The following CSMD1 variants were observed in gnomAD, a reference collection of about 807,000 sequenced individuals.
CSMD1 encodes the protein CUB and Sushi multiple domains 1.
In CSMD1, 213 loss-of-function variants were observed where a neutral mutation model predicts 417.5. That is an observed-to-expected ratio of 0.51 (90% CI 0.46 to 0.57). The LOEUF is 0.57. Among genes scored for constraint, CSMD1 ranks in the 20% least tolerant of loss-of-function variants. CSMD1 has a pLI of 0.00. For synonymous variants in CSMD1, 2,862 were observed against 1,736.8 expected (o/e 1.65, Z -16.11); for missense variants, 6,923 against 4,529.7 (o/e 1.53, Z -15.17).
At chr8:3,986,101 G>T (rs1257761354) in intron 5 of CSMD1, among the ~76,000 whole-genome samples, 1 of 151,848 alleles carries the variant, frequency 6.6e-6, no homozygotes, top group Admixed American at 6.6e-5. Flanking sequence ...TTCGTATCTG[G>T]GAGCTACAAG....
Position 3,165,623 on chromosome 8 carries a change from G to A in CSMD1, c.5726-3346C>T, listed in dbSNP as rs557293586. 3.3e-5 allele frequency among the ~76,000 whole-genome samples: 5 copies of A among 151,962 alleles called. No homozygotes were observed. The East Asian group carries it at 5.8e-4, about 18-fold the overall frequency. ...ATTTTTTTATATTTTTAGAAAAGAC[G>A]GGGTTTCACCATGTTAGCCAGGGTG... On this transcript the variant is annotated intron_variant, in intron 37 of 69. Transcript: ENST00000635120.
chr8:3,642,923 G>A (rs1362594167), intron 7 of CSMD1, among the ~76,000 whole-genome samples: 1 of 151,600 alleles, frequency 6.6e-6, no homozygotes, highest in Non-Finnish European at 1.5e-5. Flanking sequence ...ACTTTCTGAA[G>A]ATAAAACCAC....
At chr8:3,016,978 A>T (rs1222125741) in intron 52 of CSMD1, among the ~76,000 whole-genome samples, 2 of 152,200 alleles carry the variant, frequency 1.3e-5, no homozygotes, top group Non-Finnish European at 2.9e-5. Flanking sequence ...CCCCAAGCTG[A>T]CCCATCATTT....
intron 2 of CSMD1, among the ~76,000 whole-genome samples, chr8:4,533,989 T>C (rs1306292773): frequency 6.6e-6 from 1 of 151,020 alleles, no homozygotes; most frequent in African/African-American, 2.4e-5. Flanking sequence ...AGGGCAGATT[T>C]GTCAGTCTAT....
intron 28 of CSMD1, among the ~76,000 whole-genome samples, chr8:3,221,382 C>T (rs568059833): frequency 2.0e-5 from 3 of 152,156 alleles, no homozygotes; most frequent in South Asian, 4.2e-4. Context: ...GTGTGGGTTA[C>T]GTAGAATTTT....
At chr8:4,424,569 G>A (rs1018633401) in intron 2 of CSMD1, among the ~76,000 whole-genome samples, 1 of 151,958 alleles carries the variant, frequency 6.6e-6, no homozygotes, top group Non-Finnish European at 1.5e-5. Context: ...GCTAGAACGT[G>A]GAGAAAATTG....
At position 4,256,254 on chromosome 8, in the gene CSMD1, G is replaced by A. The variant is rs1169603510; in HGVS notation, c.415+163699C>T. ...CAAACCAACCTTCTCTCTCTGCTTT[G>A]AGTCCCTTAACAGAGGTTTCACGAT... On this transcript the variant is annotated intron_variant, in intron 3 of 69. Coordinates refer to ENST00000635120, the MANE Select transcript of CSMD1 (RefSeq NM_033225.6). Among the ~76,000 whole-genome samples, 3 of 152,276 alleles carry A rather than the reference G, an allele frequency of 2.0e-5. No homozygotes were observed. The South Asian group carries it at 6.2e-4, about 32-fold the overall frequency.
rs535230188 is a variant in CSMD1 at position 4,978,852 on chromosome 8, C to T, written c.85+15480G>A. On this transcript the variant is annotated intron_variant, in intron 1 of 69. Transcript: ENST00000635120. ...ACTCGGGAGGTTGAGGCAGGAGAATCGCTTGAACCCAGGAGGCGGAGGTTG... is the reference window on the plus strand; with the variant it reads ...ACTCGGGAGGTTGAGGCAGGAGAATTGCTTGAACCCAGGAGGCGGAGGTTG... Among the ~76,000 whole-genome samples the T allele has an allele frequency of 1.6e-4, 23 of 147,284 alleles. No individual in the cohort carries two copies. In the South Asian group the frequency reaches 3.3e-3, roughly 21 times the overall value.
intron 3 of CSMD1, among the ~76,000 whole-genome samples, chr8:4,179,965 T>G (rs571533149): frequency 3.3e-5 from 5 of 152,152 alleles, no homozygotes; most frequent in East Asian, 3.9e-4. Flanking sequence ...TAGGAACACT[T>G]TTACACTGTT....
chr8:3,852,251 T>C (rs1267569236), intron 5 of CSMD1, among the ~76,000 whole-genome samples: 1 of 151,396 alleles, frequency 6.6e-6, no homozygotes, highest in Non-Finnish European at 1.5e-5. Flanking sequence ...TGTGGGGAGG[T>C]GGTAACCATC....
chr8:3,996,642 A>G (rs1227970948), intron 5 of CSMD1, among the ~76,000 whole-genome samples: 1 of 152,250 alleles, frequency 6.6e-6, no homozygotes, highest in Admixed American at 6.5e-5. Flanking sequence ...TTAAAGTCAT[A>G]CAACCTACAT....
intron 2 of CSMD1, among the ~76,000 whole-genome samples, chr8:4,467,983 C>A (rs1474085297): frequency 6.6e-6 from 1 of 152,168 alleles, no homozygotes; most frequent in Non-Finnish European, 1.5e-5. Flanking sequence ...ACTAAGGACC[C>A]TGTCCTAAGC....
chr8:3,992,211 T>A (rs993641779), intron 5 of CSMD1, among the ~76,000 whole-genome samples: 1 of 152,002 alleles, frequency 6.6e-6, no homozygotes, highest in East Asian at 1.9e-4. Context: ...TTATTTCCCA[T>A]TTATGCTATA....
rs1585233604 is a variant in CSMD1 at position 3,052,582 on chromosome 8, C to T, written c.7540G>A (p.Asp2514Asn). The stretch of plus-strand genomic sequence containing the variant: ...TGACATTCATAGACCACTTTACTGT[C>T]CAAAGTGAACTCGTTCCCGGTAAAT... The part of the protein sequence containing the change: ...GSFTGNEFTL[D>N]SKVVYECHEG... Residue 2514 changes from aspartate (D) to asparagine (N), a missense_variant, in exon 50 of 70, where the codon GAC (aspartate) becomes AAC (asparagine). Physicochemically the swap from Asp to Asn is conservative, Grantham distance 23 (BLOSUM62 1). Coordinates refer to ENST00000635120, the MANE Select transcript of CSMD1 (RefSeq NM_033225.6). The T allele has an allele frequency of 6.2e-7, 1 of 1,611,698 alleles. No homozygotes were observed. Among genetic ancestry groups the T allele is most frequent in the South Asian group, 1.1e-5 (1 of 90,312 alleles).
intron 37 of CSMD1, 95 bp downstream of exon 37, chr8:3,181,015 T>G: frequency 1.3e-6 from 1 of 759,466 alleles, no homozygotes; most frequent in Non-Finnish European, 2.2e-6. Context: ...AGAAAAATAA[T>G]ATTTCACTGT....
intron 5 of CSMD1, among the ~76,000 whole-genome samples, chr8:3,906,285 G>A (rs145679727): frequency 8.8e-6 from 1 of 113,722 alleles, no homozygotes; most frequent in African/African-American, 2.5e-5. Context: ...AAAATCAATT[G>A]TCATAGGGAA....
At chr8:3,338,912 G>C (rs1807455887) in intron 23 of CSMD1, among the ~76,000 whole-genome samples, 1 of 150,412 alleles carries the variant, frequency 6.6e-6, no homozygotes, top group African/African-American at 2.4e-5. Context: ...GTATACATGT[G>C]CCATGCTGGT....
At chr8:3,621,192 T>C (rs1330911077) in intron 7 of CSMD1, among the ~76,000 whole-genome samples, 1 of 152,182 alleles carries the variant, frequency 6.6e-6, no homozygotes, top group African/African-American at 2.4e-5. Flanking sequence ...ATTTCTGTTG[T>C]TTAAGCCACT....
intron 1 of CSMD1, among the ~76,000 whole-genome samples, chr8:4,922,424 G>T (rs1319272192): frequency 1.3e-5 from 2 of 151,994 alleles, no homozygotes; most frequent in East Asian, 3.9e-4. Flanking sequence ...AGAAATTAAA[G>T]GTCAAATGAT....
Sources: gnomAD v4.1 joint callset for allele counts (sites outside exome capture counted in the v4.1 genomes callset) on GRCh38, gnomAD v4.1.1 for gene constraint, MANE v1.5 for transcripts, NCBI Gene and HGNC (gene_info 2026-07-23, HGNC 2026-07-21) for gene names.